Variants in MYZAP observed in about 807,000 individuals in gnomAD.
The protein encoded by MYZAP is myocardial zonula adherens protein, also known as GRINL1A complex locus upstream.
A neutral mutation model predicts 69.4 loss-of-function variants in MYZAP; 66 were observed. That is an observed-to-expected ratio of 0.95 (90% confidence interval 0.78 to 1.17). The LOEUF (loss-of-function observed/expected upper bound fraction) is 1.17. Among genes scored for constraint, MYZAP ranks in the 50% most tolerant of loss-of-function variants. The pLI, the probability that MYZAP is intolerant of heterozygous loss-of-function variation, is 0.00. For synonymous variants in MYZAP, 256 were observed against 205.9 expected, an observed-to-expected ratio of 1.24 and a Z score of -2.09; for missense variants, 611 against 556.2, an observed-to-expected ratio of 1.10 and a Z score of -0.99.
chr15:57,657,833 G>A (rs2038080417), intron 10 of MYZAP, among the ~76,000 whole-genome samples: 1 of 152,126 alleles, frequency 6.6e-6, no homozygotes, highest in Non-Finnish European at 1.5e-5. Context: ...TTGCTAAATT[G>A]CCTGAAGGGT....
At chr15:57,595,570 A>G (rs1459073760) in intron 1 of MYZAP, among the ~76,000 whole-genome samples, 1 of 151,208 alleles carries the variant, frequency 6.6e-6, no homozygotes, top group East Asian at 2.0e-4. Flanking sequence ...CTTCCCCACA[A>G]AGCACACAAC....
At chr15:57,597,825 G>C (rs913566087) in intron 1 of MYZAP, among the ~76,000 whole-genome samples, 11 of 152,160 alleles carry the variant, frequency 7.2e-5, no homozygotes, top group Non-Finnish European at 1.5e-4. Flanking sequence ...ATCTAGATGG[G>C]GCATACACTG....
At chr15:57,643,835 TATAGGAA>T (rs2037299988) in intron 10 of MYZAP, among the ~76,000 whole-genome samples, 1 of 152,168 alleles carries the variant, frequency 6.6e-6, no homozygotes, top group South Asian at 2.1e-4. Flanking sequence ...CCATTTGTGA[TATAGGAA>T]ATGTTTCTTC....
At chr15:57,611,323 C>T (rs1014302891) in intron 2 of MYZAP, among the ~76,000 whole-genome samples, 22 of 152,182 alleles carry the variant, frequency 1.4e-4, no homozygotes, top group Non-Finnish European at 2.4e-4. Context: ...CATTGACTTG[C>T]GTGCCTTCTC....
At chr15:57,592,441 C>T (rs1289617356) in intron 1 of MYZAP, among the ~76,000 whole-genome samples, 1 of 152,184 alleles carries the variant, frequency 6.6e-6, no homozygotes, top group Non-Finnish European at 1.5e-5. Flanking sequence ...CCTTGAGACT[C>T]AAAAGTAATG....
At chr15:57,679,641 T>C (rs771037304) in intron 12 of MYZAP, among the ~76,000 whole-genome samples, 5 of 152,164 alleles carry the variant, frequency 3.3e-5, no homozygotes, top group Non-Finnish European at 5.9e-5. Context: ...CCCTGGTCTG[T>C]CCTTCTCCAG....
At chr15:57,666,423 A>AT (rs1283530874) in intron 11 of MYZAP, among the ~76,000 whole-genome samples, 1 of 152,116 alleles carries the variant, frequency 6.6e-6, no homozygotes, top group African/African-American at 2.4e-5. Flanking sequence ...AATATGGATT[A>AT]TTTTAGTCCC....
intron 6 of MYZAP, among the ~76,000 whole-genome samples, chr15:57,631,314 T>C (rs1445560834): frequency 6.6e-6 from 1 of 152,144 alleles, no homozygotes; most frequent in East Asian, 1.9e-4. Flanking sequence ...GGGACATCAT[T>C]AGGCTGCTTG....
At chr15:57,621,171 A>G (rs892280988) in intron 3 of MYZAP, among the ~76,000 whole-genome samples, 10 of 146,304 alleles carry the variant, frequency 6.8e-5, no homozygotes, top group African/African-American at 2.5e-4. Context: ...CTTGTTCTTA[A>G]GTTTATTTTT....
intron 10 of MYZAP, chr15:57,646,166 T>G (rs1163214604): frequency 7.8e-7 from 1 of 1,289,298 alleles, no homozygotes; most frequent in African/African-American, 1.5e-5. Flanking sequence ...TCTCCAGATT[T>G]AGTCTCCGGC....
rs1050213537 is a variant in MYZAP, at chr15:57,592,011, C to T, written c.-24C>T. 3.4e-5 allele frequency: 49 copies of T among 1,428,700 alleles called. No homozygotes were observed. The highest frequency in any genetic ancestry group is 5.4e-5 in the Admixed American group (2 of 37,102). 88.5% of individuals were successfully genotyped at this position (1,428,700 alleles called of 1,614,324 possible). Reference sequence around the variant, plus strand: ...GCCCGGGAGGAACGCCGGCGTCCAGCCCGCTACCGACCGCCGCTGCGGGAT... The same window carrying T: ...GCCCGGGAGGAACGCCGGCGTCCAGTCCGCTACCGACCGCCGCTGCGGGAT... On this transcript the variant is annotated 5_prime_UTR_variant, in exon 1 of 13. Transcript: ENST00000267853.
chr15:57,617,357 T>A (rs1320517819), intron 2 of MYZAP, among the ~76,000 whole-genome samples: 6 of 152,230 alleles, frequency 3.9e-5, no homozygotes, highest in African/African-American at 1.4e-4. Flanking sequence ...TATAAAGGCG[T>A]GTTAAGGCTT....
intron 12 of MYZAP, among the ~76,000 whole-genome samples, chr15:57,683,733 G>A (rs1401973361): frequency 6.6e-6 from 1 of 152,040 alleles, no homozygotes; most frequent in African/African-American, 2.4e-5. Context: ...TCTGGTTCAT[G>A]TATAGTGTCT....
intron 12 of MYZAP, among the ~76,000 whole-genome samples, chr15:57,681,772 G>C (rs1383539187): frequency 6.6e-6 from 1 of 151,872 alleles, no homozygotes; most frequent in Non-Finnish European, 1.5e-5. Flanking sequence ...GCAAGAGAGA[G>C]AGATTTGGTC....
In MYZAP at chr15:57,633,702, G is replaced by A. The variant is rs1407448838; in HGVS notation, c.894G>A (p.Arg298=). Residue 298 remains arginine, a synonymous_variant, in exon 8 of 13, where the codon AGG becomes AGA. Coordinates refer to ENST00000267853, the MANE Select transcript of MYZAP (RefSeq NM_001018100.5). Reference sequence around the variant, plus strand: ...TCAGCCTAGAGGAGAAAGACCAGAGGATCGGGGAGCTGGACAGGCTGATTG... The same window carrying A: ...TCAGCCTAGAGGAGAAAGACCAGAGAATCGGGGAGCTGGACAGGCTGATTG... ...AEISLEEKDQ[R]IGELDRLIER... 1.9e-6 allele frequency: 3 copies of A among 1,612,744 alleles called. No homozygotes were observed. The highest frequency in any genetic ancestry group is 1.1e-5 in the South Asian group (1 of 90,622).
chr15:57,592,004 C>G lies in MYZAP; in HGVS notation c.-31C>G. ...TTATTCTGCCCGGGAGGAACGCCGG[C>G]GTCCAGCCCGCTACCGACCGCCGCT... On this transcript the variant is annotated 5_prime_UTR_variant, in exon 1 of 13. Transcript: ENST00000267853. 1 of 1,418,832 alleles carries G rather than the reference C, an allele frequency of 7.0e-7. No homozygotes were observed. The highest frequency in any genetic ancestry group is 9.2e-7 in the Non-Finnish European group (1 of 1,089,396). 87.9% of individuals were successfully genotyped at this position (1,418,832 alleles called of 1,614,324 possible).
chr15:57,609,109 A>G lies in MYZAP; in HGVS notation c.162+4754A>G, dbSNP rs544201278. On this transcript the variant is annotated intron_variant, in intron 2 of 12. Transcript: ENST00000267853. ...TATTTTTGCAAAATTTGTATATAAC[A>G]TGTATGTAGGCACATACACACACAC... Among the ~76,000 whole-genome samples, 219 of 152,380 alleles carry G rather than the reference A, an allele frequency of 1.4e-3. 1 individual carries two copies. Among genetic ancestry groups the G allele is most frequent in the South Asian group, 2.7e-3 (13 of 4,828 alleles).
At chr15:57,673,148 T>A (rs1263286407) in intron 11 of MYZAP, among the ~76,000 whole-genome samples, 1 of 152,192 alleles carries the variant, frequency 6.6e-6, no homozygotes, top group Non-Finnish European at 1.5e-5. Flanking sequence ...ACACACAGAG[T>A]TCCCATGAAA....
At chr15:57,618,596 T>A (rs1417703864) in intron 3 of MYZAP, among the ~76,000 whole-genome samples, 1 of 152,178 alleles carries the variant, frequency 6.6e-6, no homozygotes, top group Non-Finnish European at 1.5e-5. Context: ...TCAACCACAA[T>A]AGACTTTGTC....
Sources: allele counts gnomAD v4.1 joint callset (sites outside exome capture counted in the v4.1 genomes callset), GRCh38; gene constraint gnomAD v4.1.1; transcripts MANE v1.5; gene names NCBI Gene and HGNC (gene_info 2026-07-23, HGNC 2026-07-21).